The following MYO5A variants were observed in gnomAD, a reference collection of about 807,000 sequenced individuals.
MYO5A encodes unconventional myosin-Va.
Under a neutral mutation model 249.7 loss-of-function variants are expected in MYO5A, and 98 were observed. The observed-to-expected ratio is 0.39, with a 90% CI of 0.33 to 0.46. The LOEUF (loss-of-function observed/expected upper bound fraction) is 0.46, where lower values mean the gene tolerates loss of function less well. Among genes scored for constraint, MYO5A ranks in the 20% least tolerant of loss-of-function variants. The probability of loss-of-function intolerance (pLI) is 0.98; values close to 1 mark genes in which losing one functional copy is unlikely to be tolerated. For synonymous variants in MYO5A, 778 were observed against 810.6 expected (o/e 0.96, Z 0.68); for missense variants, 1,696 against 2,308.8 (o/e 0.73, Z 5.44).
intron 1 of MYO5A, among the ~76,000 whole-genome samples, chr15:52,434,052 T>C (rs1595675453): frequency 6.7e-6 from 1 of 149,990 alleles, no homozygotes; most frequent in Non-Finnish European, 1.5e-5. Flanking sequence ...CAGGCTGGAG[T>C]GCAGTGGCAC....
At chr15:52,419,941 G>C (rs1392517188) in intron 4 of MYO5A, among the ~76,000 whole-genome samples, 1 of 152,198 alleles carries the variant, frequency 6.6e-6, no homozygotes, top group African/African-American at 2.4e-5. Context: ...GTTATGGTTT[G>C]AATGTGTTCC....
intron 34 of MYO5A, among the ~76,000 whole-genome samples, chr15:52,336,249 T>G (rs1303553366): frequency 6.6e-6 from 1 of 152,210 alleles, no homozygotes; most frequent in Admixed American, 6.5e-5. Flanking sequence ...CAGAGTAAAA[T>G]CTGTAAATTA....
At chr15:52,431,476 A>G (rs2075535496) in intron 2 of MYO5A, among the ~76,000 whole-genome samples, 1 of 152,026 alleles carries the variant, frequency 6.6e-6, no homozygotes, top group Non-Finnish European at 1.5e-5. Context: ...GTATGCATAC[A>G]TATTAGTATC....
At chr15:52,435,501 T>C (rs954362099) in intron 1 of MYO5A, 6 of 360,992 alleles carry the variant, frequency 1.7e-5, no homozygotes, top group African/African-American at 1.3e-4. Context: ...ATGGTCTCGA[T>C]CTCCTGACCT....
intron 36 of MYO5A, among the ~76,000 whole-genome samples, chr15:52,326,685 A>G (rs922659163): frequency 6.6e-6 from 1 of 152,252 alleles, no homozygotes; most frequent in Non-Finnish European, 1.5e-5. Flanking sequence ...CTGTACACTT[A>G]AAAATGGTGA....
intron 1 of MYO5A, among the ~76,000 whole-genome samples, chr15:52,446,445 TG>T (rs1595699476): frequency 6.6e-6 from 1 of 152,248 alleles, no homozygotes; most frequent in Non-Finnish European, 1.5e-5. Context: ...TGAGAAAGCC[TG>T]GGTGCCGAGG....
chr15:52,337,698 G>C (rs1252957470), intron 33 of MYO5A, 112 bp downstream of exon 33: 2 of 729,810 alleles, frequency 2.7e-6, no homozygotes, highest in African/African-American at 3.6e-5. Context: ...CAGGTTTCGT[G>C]AAAATTTTGA....
intron 1 of MYO5A, among the ~76,000 whole-genome samples, chr15:52,478,405 C>T (rs2076644444): frequency 6.6e-6 from 1 of 152,144 alleles, no homozygotes; most frequent in South Asian, 2.1e-4. Context: ...GCTCCGTGGG[C>T]TGTACCCACT....
intron 1 of MYO5A, among the ~76,000 whole-genome samples, chr15:52,496,436 G>A (rs2077039464): frequency 1.3e-5 from 2 of 152,156 alleles, no homozygotes; most frequent in African/African-American, 4.8e-5. Context: ...GAATGACTAG[G>A]TTGCCACTCC....
At chr15:52,325,599 G>A (rs1170795493) in intron 36 of MYO5A, among the ~76,000 whole-genome samples, 2 of 151,804 alleles carry the variant, frequency 1.3e-5, no homozygotes, top group South Asian at 2.1e-4. Flanking sequence ...ACAGGGTCTC[G>A]CAATGTTGTC....
At chr15:52,365,548 T>A (rs757803404) in intron 23 of MYO5A, among the ~76,000 whole-genome samples, 9 of 152,228 alleles carry the variant, frequency 5.9e-5, no homozygotes, top group Non-Finnish European at 1.2e-4. Context: ...CCATATATTT[T>A]GAGGCTAAAT....
At chr15:52,527,499 T>C (rs1379564883) in intron 1 of MYO5A, among the ~76,000 whole-genome samples, 1 of 152,248 alleles carries the variant, frequency 6.6e-6, no homozygotes, top group Non-Finnish European at 1.5e-5. Flanking sequence ...GCTCATTTCA[T>C]GGTTGAAGAA....
chr15:52,429,128 T>C (rs1473307187), intron 2 of MYO5A, among the ~76,000 whole-genome samples: 1 of 152,238 alleles, frequency 6.6e-6, no homozygotes, highest in Non-Finnish European at 1.5e-5. Flanking sequence ...AAGAATCCCC[T>C]GAAATTACGT....
chr15:52,368,730 A>G (rs2040941674), intron 22 of MYO5A, among the ~76,000 whole-genome samples: 1 of 152,194 alleles, frequency 6.6e-6, no homozygotes, highest in South Asian at 2.1e-4. Context: ...CATAGGAAAC[A>G]CCGTCTGAAC....
At chr15:52,332,314 T>TA (rs1286832216) in intron 34 of MYO5A, among the ~76,000 whole-genome samples, 2 of 152,140 alleles carry the variant, frequency 1.3e-5, no homozygotes, top group Non-Finnish European at 1.5e-5. Context: ...TATGTAACAC[T>TA]AAAAAAATTG....
chr15:52,452,939 C>A (rs958068544), intron 1 of MYO5A, among the ~76,000 whole-genome samples: 3 of 151,322 alleles, frequency 2.0e-5, no homozygotes, highest in Non-Finnish European at 4.4e-5. Context: ...CCCTAAAAGA[C>A]TAAACCTAAG....
At chr15:52,430,133 G>A (rs1241402098) in intron 2 of MYO5A, among the ~76,000 whole-genome samples, 2 of 152,188 alleles carry the variant, frequency 1.3e-5, no homozygotes, top group Non-Finnish European at 2.9e-5. Context: ...TGCTAAAGGA[G>A]AGAAAAATTA....
intron 18 of MYO5A, among the ~76,000 whole-genome samples, chr15:52,378,702 T>C (rs917160775): frequency 2.5e-4 from 38 of 151,866 alleles, no homozygotes; most frequent in African/African-American, 9.2e-4. Context: ...AGGTACTCCA[T>C]CTAGGATAGT....
At chr15:52,420,095 T>C (rs924037589) in intron 4 of MYO5A, among the ~76,000 whole-genome samples, 3 of 151,910 alleles carry the variant, frequency 2.0e-5, no homozygotes, top group Non-Finnish European at 4.4e-5. Context: ...CACTTGAGCT[T>C]AGGAATTTGA....
Sources: allele counts gnomAD v4.1 joint callset (sites outside exome capture counted in the v4.1 genomes callset), GRCh38; gene constraint gnomAD v4.1.1; transcripts MANE v1.5; gene names NCBI Gene and HGNC (gene_info 2026-07-23, HGNC 2026-07-21).